Variants in CLPB observed in about 807,000 individuals in gnomAD.
CLPB encodes the protein mitochondrial disaggregase.
CLPB carries 40 observed loss-of-function variants against 78.4 expected under a neutral mutation model. The observed-to-expected ratio is 0.51, with a 90% CI of 0.40 to 0.66. The LOEUF is 0.66. Among genes scored for constraint, CLPB ranks in the 30% least tolerant of loss-of-function variants. The pLI is 0.00. For synonymous variants in CLPB, 333 were observed against 348.0 expected (o/e 0.96, Z 0.48); for missense variants, 780 against 886.9 (o/e 0.88, Z 1.53).
In CLPB at chr11:72,293,414, CCA is replaced by C; in HGVS notation, c.1985_1986del (p.Leu662ArgfsTer9). 6.2e-7 allele frequency: 1 copy of C among 1,614,156 alleles called. No homozygotes were observed. The highest frequency in any genetic ancestry group is 8.5e-7 in the Non-Finnish European group (1 of 1,180,024). The part of the protein sequence containing the change: ...IIDKDSKTRR[L>X]DIRAPLHPEK... ...TCAGGGTGCAGTGGTGCCCGGATGT[CCA>C]GTCTGCGAGTCTTGCTGTCCTTGTC... On this transcript the variant is annotated frameshift_variant, in exon 16 of 16. Transcript: ENST00000538039. LOFTEE classifies it high-confidence loss of function.
chr11:72,380,692 C>T (rs1027139256), intron 3 of CLPB, among the ~76,000 whole-genome samples: 1 of 152,170 alleles, frequency 6.6e-6, no homozygotes, highest in African/African-American at 2.4e-5. Flanking sequence ...AGGCAGCAGC[C>T]TCTGAAACTT....
At chr11:72,305,207 G>A (rs1338597058) in intron 9 of CLPB, among the ~76,000 whole-genome samples, 1 of 152,230 alleles carries the variant, frequency 6.6e-6, no homozygotes, top group Non-Finnish European at 1.5e-5. Flanking sequence ...GGAGTTGAGA[G>A]ACTGGATTGA....
intron 3 of CLPB, among the ~76,000 whole-genome samples, chr11:72,398,254 C>T (rs1392596277): frequency 1.3e-5 from 2 of 152,214 alleles, no homozygotes; most frequent in Admixed American, 1.3e-4. Flanking sequence ...CAGGCCCTGC[C>T]TCTCCGCCTA....
chr11:72,336,017 G>A (rs1474559983), intron 5 of CLPB, among the ~76,000 whole-genome samples: 1 of 152,052 alleles, frequency 6.6e-6, no homozygotes, highest in East Asian at 1.9e-4. Flanking sequence ...GGTGCGAAGT[G>A]GGGAAGAAGT....
Position 72,317,225 on chromosome 11 carries a change from G to C in CLPB, c.874-5C>G. ...CTTCCGCTGCTTCTCTTGGTACTGT[G>C]GGGAGAGAGGGCAAATGGTTGAGGG... On this transcript the variant is annotated splice_polypyrimidine_tract_variant and splice_region_variant and intron_variant, in intron 6 of 15. Transcript: ENST00000538039. The C allele has an allele frequency of 1.9e-6, 3 of 1,601,562 alleles. No homozygotes were observed. Among genetic ancestry groups the C allele is most frequent in the Non-Finnish European group, 1.7e-6 (2 of 1,173,808 alleles).
intron 4 of CLPB, among the ~76,000 whole-genome samples, chr11:72,376,697 G>T (rs1854713328): frequency 6.6e-6 from 1 of 151,838 alleles, no homozygotes; most frequent in East Asian, 1.9e-4. Flanking sequence ...TTTGAGACAG[G>T]GTCTTGCTCT....
Position 72,294,082 on chromosome 11 carries a change from C to T in CLPB, c.1725G>A (p.Val575=), listed in dbSNP as rs776024039. 1.9e-6 allele frequency: 3 copies of T among 1,614,186 alleles called. No individual in the cohort carries two copies. The highest frequency in any genetic ancestry group is 2.5e-6 in the Non-Finnish European group (3 of 1,180,026). Reference sequence around the variant, plus strand: ...TGTAGCCGTCGACCAGCACATCTGCCACCTCGCGGTCCCAGAGCAGCGTGA... The same window carrying T: ...TGTAGCCGTCGACCAGCACATCTGCTACCTCGCGGTCCCAGAGCAGCGTGA... The part of the protein sequence containing the change: ...HNITLLWDRE[V]ADVLVDGYNV... The change falls in exon 15 of 16, where the codon GTG becomes GTA. Residue 575 remains valine, a synonymous_variant. Coordinates refer to ENST00000538039, the MANE Select transcript of CLPB (RefSeq NM_001258392.3).
intron 2 of CLPB, among the ~76,000 whole-genome samples, chr11:72,413,522 CACTA>C (rs2135117988): frequency 6.6e-6 from 1 of 150,400 alleles, no homozygotes; most frequent in East Asian, 1.9e-4. Context: ...CTTACAGAAC[CACTA>C]ACTAATGATG....
At chr11:72,346,698 C>T (rs1209022058) in intron 5 of CLPB, among the ~76,000 whole-genome samples, 1 of 151,916 alleles carries the variant, frequency 6.6e-6, no homozygotes, top group Non-Finnish European at 1.5e-5. Context: ...TAAGTACCCA[C>T]CGAGCGTGGT....
At chr11:72,413,639 CCT>C (rs1241343686) in intron 2 of CLPB, among the ~76,000 whole-genome samples, 1 of 152,174 alleles carries the variant, frequency 6.6e-6, no homozygotes, top group Admixed American at 6.5e-5. Context: ...GCAATCTCCC[CCT>C]GTGATCCAGA....
intron 5 of CLPB, among the ~76,000 whole-genome samples, chr11:72,332,381 C>G (rs889173534): frequency 6.6e-6 from 1 of 151,594 alleles, no homozygotes; most frequent in Admixed American, 6.6e-5. Context: ...CCCAGCTACT[C>G]GGAAGGCTGA....
In CLPB at chr11:72,403,054, T is replaced by C. The variant is rs1236722962; in HGVS notation, c.456-2A>G. ...ACATCTGCACCTTCTGACAACAGCC[T>C]AAAACAAGACAGAGGAATATTTTCA... On this transcript the variant is annotated splice_acceptor_variant, in intron 2 of 15. Coordinates refer to ENST00000538039, the MANE Select transcript of CLPB (RefSeq NM_001258392.3). LOFTEE classifies it high-confidence loss of function. The C allele has an allele frequency of 6.2e-7, 1 of 1,612,664 alleles. No homozygotes were observed. Among genetic ancestry groups the C allele is most frequent in the Non-Finnish European group, 8.5e-7 (1 of 1,179,680 alleles).
chr11:72,315,781 A>AG (rs1221289643), intron 7 of CLPB, among the ~76,000 whole-genome samples: 4 of 152,066 alleles, frequency 2.6e-5, no homozygotes, highest in Non-Finnish European at 4.4e-5. Flanking sequence ...AGTCCCTACC[A>AG]CACATGTGAC....
At chr11:72,341,315 G>A (rs1235097926) in intron 5 of CLPB, among the ~76,000 whole-genome samples, 2 of 152,344 alleles carry the variant, frequency 1.3e-5, no homozygotes, top group African/African-American at 4.8e-5. Context: ...CCAGGTTAGA[G>A]ATCTGGTCAG....
At chr11:72,333,220 GCCTTCA>G (rs1950259702) in intron 5 of CLPB, among the ~76,000 whole-genome samples, 7 of 152,206 alleles carry the variant, frequency 4.6e-5, no homozygotes, top group African/African-American at 1.7e-4. Context: ...TGATGAAAAA[GCCTTCA>G]GTTGGCCTTT....
At chr11:72,336,200 C>T (rs1206768210) in intron 5 of CLPB, among the ~76,000 whole-genome samples, 1 of 152,102 alleles carries the variant, frequency 6.6e-6, no homozygotes, top group African/African-American at 2.4e-5. Context: ...CCCTTGCCTA[C>T]CTCAAATAAG....
chr11:72,382,109 G>T (rs1158905708), intron 3 of CLPB, among the ~76,000 whole-genome samples: 2 of 151,680 alleles, frequency 1.3e-5, no homozygotes, highest in Admixed American at 1.3e-4. Flanking sequence ...GAACAGGCCA[G>T]CCCAGGCTCC....
At chr11:72,361,818 A>G (rs1246551795) in intron 4 of CLPB, among the ~76,000 whole-genome samples, 1 of 152,222 alleles carries the variant, frequency 6.6e-6, no homozygotes, top group Non-Finnish European at 1.5e-5. Flanking sequence ...AATAATAAAT[A>G]AGACACAGTT....
At chr11:72,430,928 CCT>C (rs991583308) in intron 1 of CLPB, among the ~76,000 whole-genome samples, 1 of 152,192 alleles carries the variant, frequency 6.6e-6, no homozygotes, top group East Asian at 1.9e-4. Context: ...CATGACAGCT[CCT>C]CTCTCTCTCA....
Sources: gnomAD v4.1 joint callset for allele counts (sites outside exome capture counted in the v4.1 genomes callset) on GRCh38, gnomAD v4.1.1 for gene constraint, MANE v1.5 for transcripts, NCBI Gene and HGNC (gene_info 2026-07-23, HGNC 2026-07-21) for gene names.